Variants in KIAA0825 observed in about 807,000 individuals in gnomAD.
KIAA0825 encodes KIAA0825.
Under a neutral mutation model 147.6 loss-of-function variants are expected in KIAA0825, and 119 were observed. The ratio of observed to expected loss-of-function variants is 0.81; its 90% CI spans 0.69 to 0.94. The LOEUF is 0.94. KIAA0825 is among the 40% of genes least tolerant of loss of function. The pLI, the probability that KIAA0825 is intolerant of heterozygous loss-of-function variation, is 0.00. For synonymous variants in KIAA0825, 470 were observed against 518.1 expected (o/e 0.91, Z 1.26); for missense variants, 1,381 against 1,472.7 (o/e 0.94, Z 1.02).
chr5:94,446,351 T>C (rs142868694), intron 13 of KIAA0825, among the ~76,000 whole-genome samples: 109 of 152,252 alleles, frequency 7.2e-4, no homozygotes, highest in African/African-American at 2.6e-3. Context: ...CAAATAAAGA[T>C]AAAGTAACAA....
At chr5:94,385,957 C>T (rs1279844502) in intron 19 of KIAA0825, among the ~76,000 whole-genome samples, 1 of 152,144 alleles carries the variant, frequency 6.6e-6, no homozygotes, top group African/African-American at 2.4e-5. Flanking sequence ...ATGCCTGGTT[C>T]TTCAGCTTCT....
intron 14 of KIAA0825, among the ~76,000 whole-genome samples, chr5:94,435,690 A>ATC (rs1223128763): frequency 2.0e-5 from 3 of 152,170 alleles, no homozygotes; most frequent in African/African-American, 7.2e-5. Context: ...TCTCTGAGCA[A>ATC]TCTCTGCACT....
chr5:94,575,727 G>C (rs1584940433), intron 2 of KIAA0825, among the ~76,000 whole-genome samples: 1 of 152,176 alleles, frequency 6.6e-6, no homozygotes, highest in Admixed American at 6.5e-5. Context: ...GATATCAAAG[G>C]CTTTTCTGGT....
chr5:94,389,461 A>G (rs1484100479), intron 18 of KIAA0825, among the ~76,000 whole-genome samples: 1 of 152,154 alleles, frequency 6.6e-6, no homozygotes, highest in Non-Finnish European at 1.5e-5. Flanking sequence ...TCAGGGCCTT[A>G]ACTATCATGA....
chr5:94,359,696 C>A (rs764525632), intron 20 of KIAA0825, among the ~76,000 whole-genome samples: 16 of 152,246 alleles, frequency 1.1e-4, no homozygotes, highest in African/African-American at 4.8e-5. Context: ...AGCTCTCTGA[C>A]TTCAGTAAGT....
At chr5:94,352,267 CAG>C (rs1783758603) in intron 20 of KIAA0825, among the ~76,000 whole-genome samples, 1 of 152,080 alleles carries the variant, frequency 6.6e-6, no homozygotes, top group African/African-American at 2.4e-5. Flanking sequence ...AGGACATAAA[CAG>C]ACAATCCTCA....
At chr5:94,270,682 G>A (rs181005534) in intron 20 of KIAA0825, among the ~76,000 whole-genome samples, 91 of 152,154 alleles carry the variant, frequency 6.0e-4, no homozygotes, top group African/African-American at 2.0e-3. Context: ...AATGGAGAAG[G>A]GGGGAATTTC....
chr5:94,292,867 C>T lies in KIAA0825; in HGVS notation c.3710+91501G>A, dbSNP rs1777962830. On this transcript the variant is annotated intron_variant, in intron 20 of 20. Transcript: ENST00000682413. ...TGGTGTATGTGTCCAGGAATTTAAC[C>T]ATTTCTTCTAGATTTTCTAGTTTAT... Among the ~76,000 whole-genome samples the T allele has an allele frequency of 3.3e-5, 5 of 152,032 alleles. No individual in the cohort carries two copies. In the South Asian group the frequency reaches 1.0e-3, roughly 32 times the overall value.
At chr5:94,536,227 T>C (rs950701377) in intron 3 of KIAA0825, among the ~76,000 whole-genome samples, 7 of 152,144 alleles carry the variant, frequency 4.6e-5, no homozygotes, top group African/African-American at 1.7e-4. Context: ...GAAGGAAAAA[T>C]ATCATAGGAC....
chr5:94,463,846 G>A (rs1760131731), intron 11 of KIAA0825, among the ~76,000 whole-genome samples: 1 of 151,840 alleles, frequency 6.6e-6, no homozygotes, highest in Non-Finnish European at 1.5e-5. Context: ...AATCAAAAGT[G>A]ATTTATGCTA....
intron 20 of KIAA0825, among the ~76,000 whole-genome samples, chr5:94,284,137 C>A (rs2150157742): frequency 6.6e-6 from 1 of 152,246 alleles, no homozygotes; most frequent in South Asian, 2.1e-4. Context: ...AATTGCCTAA[C>A]TAATGATGTT....
At chr5:94,551,702 T>A (rs1775572591) in intron 2 of KIAA0825, among the ~76,000 whole-genome samples, 1 of 152,012 alleles carries the variant, frequency 6.6e-6, no homozygotes, top group Non-Finnish European at 1.5e-5. Context: ...TTATATTAAA[T>A]ACTTAAGGGA....
chr5:94,532,347 C>T lies in KIAA0825; in HGVS notation c.131+4649G>A, dbSNP rs554624298. Among the ~76,000 whole-genome samples, 12 of 152,078 alleles carry T rather than the reference C, an allele frequency of 7.9e-5. No homozygotes were observed. In the East Asian group the frequency reaches 2.3e-3, roughly 29 times the overall value. On this transcript the variant is annotated intron_variant, in intron 3 of 20. Transcript: ENST00000682413. ...TTTGTTTTTTGTAGAGACAGTGTTT[C>T]GCCATGTTGCCCAGGCTGGTCTCAA...
At chr5:94,459,776 C>A (rs1346645882) in intron 12 of KIAA0825, among the ~76,000 whole-genome samples, 5 of 151,946 alleles carry the variant, frequency 3.3e-5, no homozygotes, top group Non-Finnish European at 5.9e-5. Context: ...AAAGTTTCTA[C>A]TATTAGGAGT....
intron 2 of KIAA0825, among the ~76,000 whole-genome samples, chr5:94,549,543 C>T (rs1775102105): frequency 6.6e-6 from 1 of 152,126 alleles, no homozygotes; most frequent in South Asian, 2.1e-4. Context: ...GAAACCCTAT[C>T]TCTACTAAAA....
chr5:94,214,468 G>A (rs1183405420), intron 20 of KIAA0825, among the ~76,000 whole-genome samples: 2 of 151,956 alleles, frequency 1.3e-5, no homozygotes, highest in Non-Finnish European at 2.9e-5. Flanking sequence ...TCTCCTGATG[G>A]TAGCATCACC....
At chr5:94,359,511 C>T (rs1744772866) in intron 20 of KIAA0825, among the ~76,000 whole-genome samples, 1 of 152,130 alleles carries the variant, frequency 6.6e-6, no homozygotes, top group Non-Finnish European at 1.5e-5. Flanking sequence ...AATCCTAATA[C>T]TTGGGGAGGC....
intron 20 of KIAA0825, among the ~76,000 whole-genome samples, chr5:94,155,393 A>AT (rs1766946719): frequency 6.7e-6 from 1 of 149,886 alleles, no homozygotes; most frequent in African/African-American, 2.5e-5. Context: ...AATTTTTTTA[A>AT]TTTTTTGTAG....
In KIAA0825 at chr5:94,540,961, A is replaced by C. The variant is rs945985428; in HGVS notation, c.-1-3834T>G. Among the ~76,000 whole-genome samples the C allele has an allele frequency of 2.6e-5, 4 of 152,238 alleles. No homozygotes were observed. In the East Asian group the frequency reaches 7.7e-4, roughly 29 times the overall value. On this transcript the variant is annotated intron_variant, in intron 2 of 20. Transcript: ENST00000682413. ...TATGTAAGAAATGCTCTTGTATATA[A>C]ATTTTTATCCTAAAGTAAAATAACT...
Sources: allele counts gnomAD v4.1 joint callset (sites outside exome capture counted in the v4.1 genomes callset), GRCh38; gene constraint gnomAD v4.1.1; transcripts MANE v1.5; gene names NCBI Gene and HGNC (gene_info 2026-07-23, HGNC 2026-07-21).